The following UBE4B variants were observed in gnomAD, a reference collection of about 807,000 sequenced individuals.
UBE4B encodes ubiquitin conjugation factor E4 B.
Under a neutral mutation model 148.1 loss-of-function variants are expected in UBE4B, and 27 were observed. The observed-to-expected ratio is 0.18, with a 90% CI of 0.13 to 0.25. UBE4B has a LOEUF of 0.25. Among genes scored for constraint, UBE4B ranks in the 10% least tolerant of loss-of-function variants. UBE4B has a pLI of 1.00. For synonymous variants in UBE4B, 596 were observed against 619.3 expected, an observed-to-expected ratio of 0.96 and a Z score of 0.56; for missense variants, 1,170 against 1,662.4, an observed-to-expected ratio of 0.70 and a Z score of 5.15.
intron 1 of UBE4B, among the ~76,000 whole-genome samples, chr1:10,042,656 GAAAC>G (rs565222765): frequency 6.6e-5 from 10 of 152,222 alleles, no homozygotes; most frequent in African/African-American, 1.2e-4. Flanking sequence ...CAAAAGCAAA[GAAAC>G]AAACAAACAA....
chr1:10,144,118 G>A (rs553026319), intron 17 of UBE4B, among the ~76,000 whole-genome samples: 1 of 152,278 alleles, frequency 6.6e-6, no homozygotes, highest in African/African-American at 2.4e-5. Flanking sequence ...ATTAGGTGAT[G>A]GGGAAGCCTT....
At chr1:10,141,563 G>T (rs1452136106) in intron 17 of UBE4B, among the ~76,000 whole-genome samples, 1 of 152,166 alleles carries the variant, frequency 6.6e-6, no homozygotes, top group Non-Finnish European at 1.5e-5. Flanking sequence ...TGTTACAGCA[G>T]CAATAGAAAA....
intron 1 of UBE4B, among the ~76,000 whole-genome samples, chr1:10,068,280 T>C (rs1000841206): frequency 1.3e-5 from 2 of 152,062 alleles, no homozygotes; most frequent in Non-Finnish European, 2.9e-5. Flanking sequence ...CCCACCTACC[T>C]TGGCCTCCCA....
At chr1:10,046,161 C>G (rs532472402) in intron 1 of UBE4B, among the ~76,000 whole-genome samples, 3 of 152,290 alleles carry the variant, frequency 2.0e-5, no homozygotes, top group African/African-American at 7.2e-5. Context: ...ACAGATCACT[C>G]CTGTTTACCT....
intron 1 of UBE4B, among the ~76,000 whole-genome samples, chr1:10,047,488 CTTTTTTTT>C (rs952378949): frequency 8.6e-6 from 1 of 116,028 alleles, no homozygotes; most frequent in African/African-American, 3.5e-5. Flanking sequence ...CTTCATATAT[CTTTTTTTT>C]TTTTTTTTTT....
intron 4 of UBE4B, 145 bp downstream of exon 4, chr1:10,101,340 A>C (rs1365737193): frequency 1.4e-6 from 1 of 691,500 alleles, no homozygotes; most frequent in East Asian, 2.8e-5. Context: ...AGGAAAAATG[A>C]ATAACCTAGA....
At chr1:10,052,539 C>T (rs1432194903) in intron 1 of UBE4B, among the ~76,000 whole-genome samples, 1 of 152,200 alleles carries the variant, frequency 6.6e-6, no homozygotes, top group Non-Finnish European at 1.5e-5. Flanking sequence ...TTTTGTTAGA[C>T]CTGTGTCTAT....
chr1:10,089,973 G>A (rs1644819473), intron 2 of UBE4B, among the ~76,000 whole-genome samples: 1 of 152,152 alleles, frequency 6.6e-6, no homozygotes, highest in Non-Finnish European at 1.5e-5. Flanking sequence ...GGGATTACAG[G>A]CATGAGCCAC....
intron 15 of UBE4B, 148 bp downstream of exon 15, chr1:10,132,630 TC>T: frequency 1.6e-6 from 1 of 626,402 alleles, no homozygotes. Flanking sequence ...GAGCCCATGT[TC>T]CACAGAATAA....
In UBE4B at chr1:10,144,191, G is replaced by A. The variant is rs569175050; in HGVS notation, c.2364-749G>A. On this transcript the variant is annotated intron_variant, in intron 17 of 27. Coordinates refer to ENST00000343090, the MANE Select transcript of UBE4B (RefSeq NM_001105562.3). ...AGGGGAGTGAAGGAGCAAAGCCAGA[G>A]ATAACCTCAGAGAAGAGCATTGCGA... is the stretch of plus-strand genomic sequence containing the variant. 1.1e-4 allele frequency among the ~76,000 whole-genome samples: 17 copies of A among 152,296 alleles called. No individual in the cohort carries two copies. The South Asian group carries it at 3.5e-3, about 32-fold the overall frequency.
chr1:10,133,021 C>T (rs1182993533), intron 15 of UBE4B, among the ~76,000 whole-genome samples: 1 of 151,960 alleles, frequency 6.6e-6, no homozygotes, highest in Non-Finnish European at 1.5e-5. Context: ...AGCAGGGAAA[C>T]CACAAAAGCT....
At chr1:10,053,247 C>G (rs1644088538) in intron 1 of UBE4B, among the ~76,000 whole-genome samples, 1 of 147,440 alleles carries the variant, frequency 6.8e-6, no homozygotes. Flanking sequence ...CTCCCAGGTT[C>G]ACGCCATTCT....
chr1:10,075,136 G>A (rs553702763), intron 2 of UBE4B, among the ~76,000 whole-genome samples: 2 of 152,268 alleles, frequency 1.3e-5, no homozygotes, highest in African/African-American at 4.8e-5. Context: ...GAGGCTGTGA[G>A]GTTAGAACTG....
rs754492212 is a variant in UBE4B, at chr1:10,168,187, C to T, written c.3250C>T (p.Arg1084Cys). ...SQLAQDERVS[R>C]SYLALATETV... Reference sequence around the variant, plus strand: ...GCTTGCTCAGGATGAGCGTGTGTCCCGCTCTTACCTCGCCCTGGCCACCGA... The same window carrying T: ...GCTTGCTCAGGATGAGCGTGTGTCCTGCTCTTACCTCGCCCTGGCCACCGA... Residue 1084 changes from arginine to cysteine, a missense_variant, in exon 24 of 28, where the codon CGC becomes TGC. Arg to Cys is a radical substitution (Grantham distance 180). Transcript: ENST00000343090. This position sits in a 1 kb window ranked among gnomAD's most constrained non-coding sequence, Gnocchi z 4.9. 2.5e-6 allele frequency: 4 copies of T among 1,614,154 alleles called. No individual in the cohort carries two copies. The highest frequency in any genetic ancestry group is 1.1e-5 in the South Asian group (1 of 91,074).
chr1:10,108,983 T>C (rs549807451), intron 7 of UBE4B, among the ~76,000 whole-genome samples: 25 of 152,172 alleles, frequency 1.6e-4, no homozygotes, highest in Non-Finnish European at 3.7e-4. Flanking sequence ...TATCAGATTG[T>C]GTGCTGCTTT....
Position 10,106,091 on chromosome 1 carries a change from A to C in UBE4B, c.810-106A>C. 7.7e-7 allele frequency: 1 copy of C among 1,300,828 alleles called. No individual in the cohort carries two copies. The highest frequency in any genetic ancestry group is 1.5e-5 in the South Asian group (1 of 67,920). 80.6% of individuals were successfully genotyped at this position (1,300,828 alleles called of 1,614,324 possible). On this transcript the variant is annotated intron_variant, in intron 6 of 27. Coordinates refer to ENST00000343090, the MANE Select transcript of UBE4B (RefSeq NM_001105562.3). The surrounding 1 kb of genome is among the most constrained non-coding windows in gnomAD (Gnocchi z 4.2). ...ATGTTTATCTGCTAGATATACTTGAACTGAAATGATTCTCCTTTAAAAGCT... is the reference window on the plus strand; with the variant it reads ...ATGTTTATCTGCTAGATATACTTGACCTGAAATGATTCTCCTTTAAAAGCT...
rs1553154002 is a variant in UBE4B, at chr1:10,161,999, C to CTTTTCTTTTTTTTTTTTTTTTT, written c.3198+717_3198+718insCTTTTTTTTTTTTTTTTTTTTT. Reference sequence around the variant, plus strand: ...GGGGACTGCTTTTTCTTCACTTTTTCTTTTTTTTTTTTTTTTGAGACGGAG... The same window carrying CTTTTCTTTTTTTTTTTTTTTTT: ...GGGGACTGCTTTTTCTTCACTTTTTCTTTTCTTTTTTTTTTTTTTTTTTTTTTTTTTTTTTTTTGAGACGGAG... On this transcript the variant is annotated intron_variant, in intron 23 of 27. Transcript: ENST00000343090. The surrounding 1 kb of genome is among the most constrained non-coding windows in gnomAD (Gnocchi z 4.1). Among the ~76,000 whole-genome samples, 123 of 137,202 alleles carry CTTTTCTTTTTTTTTTTTTTTTT rather than the reference C, an allele frequency of 9.0e-4. No individual in the cohort carries two copies. Among genetic ancestry groups the CTTTTCTTTTTTTTTTTTTTTTT allele is most frequent in the Non-Finnish European group, 1.5e-3 (96 of 62,878 alleles). 90.0% of individuals were successfully genotyped at this position (137,202 alleles called of 152,430 possible).
intron 1 of UBE4B, among the ~76,000 whole-genome samples, chr1:10,055,273 T>TTTTTCTTTTCTTTTCTTTTC (rs539556768): frequency 2.8e-4 from 42 of 151,876 alleles, no homozygotes; most frequent in African/African-American, 9.4e-4. Flanking sequence ...TTTTCATCAT[T>TTTTTCTTTTCTTTTCTTTTC]TTTTCTTTTC....
At chr1:10,176,784 CT>C (rs946016031) in intron 25 of UBE4B, among the ~76,000 whole-genome samples, 69 of 121,756 alleles carry the variant, frequency 5.7e-4, no homozygotes, top group East Asian at 9.4e-4. Flanking sequence ...TTTTCTTTTT[CT>C]TTTTTTTTTT....
Sources: allele counts gnomAD v4.1 joint callset (sites outside exome capture counted in the v4.1 genomes callset), GRCh38; gene constraint gnomAD v4.1.1; non-coding constraint Gnocchi (gnomAD v3.1); transcripts MANE v1.5; gene names NCBI Gene and HGNC (gene_info 2026-07-23, HGNC 2026-07-21).